Variants in MPC2 observed in about 807,000 individuals in gnomAD.
MPC2 encodes brain protein 44.
In MPC2, 19 loss-of-function variants were observed where a neutral mutation model predicts 19.2. The ratio of observed to expected loss-of-function variants is 0.99; its 90% CI spans 0.69 to 1.45. The LOEUF is 1.45. MPC2 is among the 40% of genes most tolerant of loss of function. MPC2 has a pLI of 0.00. For synonymous variants in MPC2, 61 were observed against 54.3 expected (o/e 1.12, Z -0.54); for missense variants, 122 against 153.0 (o/e 0.80, Z 1.07).
intron 2 of MPC2, among the ~76,000 whole-genome samples, chr1:167,925,412 G>A (rs926818536): frequency 5.8e-5 from 7 of 120,712 alleles, no homozygotes; most frequent in Admixed American, 5.4e-4. Flanking sequence ...ATATGTATGT[G>A]TATATATAAT....
rs1450737659 is a variant in MPC2, at chr1:167,924,354, G to A, written c.150+143C>T. The A allele has an allele frequency of 6.4e-6, 4 of 621,598 alleles. No individual in the cohort carries two copies. The Admixed American group carries it at 1.5e-4, about 24-fold the overall frequency. 38.5% of individuals were successfully genotyped at this position (621,598 alleles called of 1,614,324 possible). The stretch of plus-strand genomic sequence containing the variant: ...AGTTGCTTTATGTAGAAAACGATAT[G>A]TCTGAGAATATTTGCCATGAAATCA... On this transcript the variant is annotated intron_variant, in intron 3 of 5. Transcript: ENST00000271373.
chr1:167,928,390 TAATTAACATTC>T (rs987922217), intron 2 of MPC2, among the ~76,000 whole-genome samples: 35 of 152,238 alleles, frequency 2.3e-4, no homozygotes, highest in African/African-American at 7.9e-4. Context: ...TCATTGTAGC[TAATTAACATTC>T]AATTAACATT....
chr1:167,924,571 A>C, intron 2 of MPC2, 34 bp from the exon 3 acceptor site: 1 of 1,454,242 alleles, frequency 6.9e-7, no homozygotes, highest in East Asian at 2.4e-5. Flanking sequence ...ATTCAGGAAT[A>C]AACCAAATAT....
Position 167,936,986 on chromosome 1 carries a change from C to T in MPC2, c.-105G>A, listed in dbSNP as rs776912687. The T allele has an allele frequency of 8.7e-6, 14 of 1,610,456 alleles. No individual in the cohort carries two copies. The highest frequency in any genetic ancestry group is 1.1e-5 in the Non-Finnish European group (13 of 1,179,024). On this transcript the variant is annotated 5_prime_UTR_variant, in exon 1 of 6. Coordinates refer to ENST00000271373, the MANE Select transcript of MPC2 (RefSeq NM_001143674.4). ...GGTCCCTCGGGCTGGAGGACCCGTC[C>T]CGGCTGCGGAGTCGCTACCTGGGTG...
chr1:167,936,073 C>T (rs1571529424), intron 1 of MPC2, 175 bp from the exon 2 acceptor site: 2 of 572,698 alleles, frequency 3.5e-6, no homozygotes, highest in Non-Finnish European at 6.3e-6. Flanking sequence ...CGGTCCGCCT[C>T]CGGCCCCCGG....
intron 2 of MPC2, among the ~76,000 whole-genome samples, chr1:167,931,480 AGTT>A (rs1209970148): frequency 6.6e-6 from 1 of 152,024 alleles, no homozygotes; most frequent in Non-Finnish European, 1.5e-5. Flanking sequence ...ACTTTAAATA[AGTT>A]ATTACTTTAA....
intron 3 of MPC2, among the ~76,000 whole-genome samples, chr1:167,923,516 T>C (rs961277991): frequency 6.6e-6 from 1 of 152,028 alleles, no homozygotes; most frequent in East Asian, 1.9e-4. Flanking sequence ...AGACAGAAGG[T>C]AGAATGGTGG....
chr1:167,932,640 C>G (rs1013984265), intron 2 of MPC2, among the ~76,000 whole-genome samples: 1 of 151,918 alleles, frequency 6.6e-6, no homozygotes, highest in African/African-American at 2.4e-5. Context: ...GAAACCCCAT[C>G]TCTACTAAAA....
At chr1:167,935,943 C>T in intron 1 of MPC2, 45 bp from the exon 2 acceptor site, 2 of 876,108 alleles carry the variant, frequency 2.3e-6, no homozygotes, top group Non-Finnish European at 3.7e-6. Context: ...CACGACGACT[C>T]GCGTCCGCCT....
At chr1:167,922,013 G>T (rs2102531784) in intron 3 of MPC2, among the ~76,000 whole-genome samples, 1 of 152,276 alleles carries the variant, frequency 6.6e-6, no homozygotes, top group South Asian at 2.1e-4. Context: ...AAGGCATATG[G>T]TCTGAGAGTC....
chr1:167,926,438 G>A (rs1026269974), intron 2 of MPC2, among the ~76,000 whole-genome samples: 1 of 152,248 alleles, frequency 6.6e-6, no homozygotes, highest in Non-Finnish European at 1.5e-5. Context: ...GGTTAAGGTT[G>A]GAATTGAAGA....
Position 167,935,055 on chromosome 1 carries a change from CACAA to C in MPC2, c.109+674_109+677del, listed in dbSNP as rs570764276. ...TGTCATTCTCATAGACCGCGTATTA[CACAA>C]ACAGAGATCTAGGCTTTTGCTCAAG... On this transcript the variant is annotated intron_variant, in intron 2 of 5. Transcript: ENST00000271373. Among the ~76,000 whole-genome samples the C allele has an allele frequency of 1.3e-4, 20 of 152,198 alleles. No homozygotes were observed. In the East Asian group the frequency reaches 3.9e-3, roughly 29 times the overall value.
rs567926286 is a variant in MPC2 at position 167,933,495 on chromosome 1, C to T, written c.109+2238G>A. On this transcript the variant is annotated intron_variant, in intron 2 of 5. Coordinates refer to ENST00000271373, the MANE Select transcript of MPC2 (RefSeq NM_001143674.4). ...AACACATTCTTGTTACCTGTCGAGA[C>T]ATACAGTGTCAGTGATAAAATTAAA... Among the ~76,000 whole-genome samples, 204 of 152,268 alleles carry T rather than the reference C, an allele frequency of 1.3e-3. 2 individuals carry two copies. In the South Asian group the frequency reaches 0.023, roughly 17 times the overall value.
chr1:167,924,020 A>C (rs1670669822), intron 3 of MPC2, among the ~76,000 whole-genome samples: 1 of 152,270 alleles, frequency 6.6e-6, no homozygotes. Flanking sequence ...GAGTAAAAGC[A>C]CTGGGCTTGG....
intron 2 of MPC2, among the ~76,000 whole-genome samples, chr1:167,935,359 TAG>T (rs1424656967): frequency 1.3e-5 from 2 of 152,176 alleles, no homozygotes; most frequent in Non-Finnish European, 2.9e-5. Flanking sequence ...CAGCTCTGCC[TAG>T]AGTGGGTTAA....
At chr1:167,934,156 T>C (rs1571521580) in intron 2 of MPC2, among the ~76,000 whole-genome samples, 1 of 152,326 alleles carries the variant, frequency 6.6e-6, no homozygotes, top group East Asian at 1.9e-4. Flanking sequence ...TAATCCCTCT[T>C]CATTCTGAAA....
rs1357738894 is a variant in MPC2 at position 167,917,297 on chromosome 1, C to T, written c.*1026G>A. The T allele has an allele frequency of 6.6e-6, 1 of 152,168 alleles. No individual in the cohort carries two copies. Among genetic ancestry groups the T allele is most frequent in the Non-Finnish European group, 1.5e-5 (1 of 68,032 alleles). 9.4% of individuals were successfully genotyped at this position (152,168 alleles called of 1,614,324 possible). ...GGTACTCTGCTAGGTACTTTCCTAA[C>T]TTGTCTAAAGTCACAGCATAGGCTG... On this transcript the variant is annotated 3_prime_UTR_variant, in exon 6 of 6. Coordinates refer to ENST00000271373, the MANE Select transcript of MPC2 (RefSeq NM_001143674.4).
intron 2 of MPC2, among the ~76,000 whole-genome samples, chr1:167,929,218 C>T (rs1004440978): frequency 2.8e-4 from 43 of 152,050 alleles, no homozygotes; most frequent in African/African-American, 9.9e-4. Context: ...ATTAGCCGGG[C>T]GTGGTGGTGC....
intron 2 of MPC2, among the ~76,000 whole-genome samples, chr1:167,925,442 C>CACATATATATATATAT (rs1553200803): frequency 3.6e-5 from 3 of 82,478 alleles, no homozygotes; most frequent in Admixed American, 1.3e-4. Context: ...TACATATACA[C>CACATATATATATATAT]ATATATATAT....
Sources: allele counts gnomAD v4.1 joint callset (sites outside exome capture counted in the v4.1 genomes callset), GRCh38; gene constraint gnomAD v4.1.1; transcripts MANE v1.5; gene names NCBI Gene and HGNC (gene_info 2026-07-23, HGNC 2026-07-21).